The following REV3L variants were observed in gnomAD, a reference collection of about 807,000 sequenced individuals.
REV3L encodes the protein REV3 like, DNA directed polymerase zeta catalytic subunit.
A neutral mutation model predicts 299.4 loss-of-function variants in REV3L; 69 were observed. The observed-to-expected ratio is 0.23, with a 90% CI of 0.19 to 0.28. The LOEUF (loss-of-function observed/expected upper bound fraction) is 0.28, where lower values mean the gene tolerates loss of function less well. Ranked by LOEUF, REV3L falls within the 10% of genes least tolerant of loss-of-function variation. The probability of loss-of-function intolerance (pLI) is 1.00; values close to 1 mark genes in which losing one functional copy is unlikely to be tolerated. For missense variants in REV3L, 3,128 were observed against 3,693.8 expected (o/e 0.85, Z 3.97); for synonymous variants, 1,238 against 1,271.4 (o/e 0.97, Z 0.56).
rs1179267218 is a variant in REV3L at position 111,322,615 on chromosome 6, C to A, written c.8305G>T (p.Asp2769Tyr). The change falls in exon 26 of 32, where the codon GAT becomes TAT. Residue 2769 changes from aspartate (D) to tyrosine (Y), a missense_variant. This residue lies in a region of REV3L where 37 missense variants were observed against 100.1 expected (regional missense o/e 0.37). Transcript: ENST00000368802. ...ACCCTAGCCCCCCATTTCTTGGTAT[C>A]ATTCACCAGTTTAATAGCTCGTTCC... ...TLERAIKLVN[D>Y]TKKWGARVVY... 2 of 1,614,030 alleles carry A rather than the reference C, an allele frequency of 1.2e-6. No homozygotes were observed. The highest frequency in any genetic ancestry group is 1.7e-5 in the Admixed American group (1 of 59,994).
intron 18 of REV3L, among the ~76,000 whole-genome samples, chr6:111,355,543 T>C (rs1778000502): frequency 6.6e-6 from 1 of 152,210 alleles, no homozygotes; most frequent in Non-Finnish European, 1.5e-5. Context: ...TATGACAGTT[T>C]TGTTTACCCC....
chr6:111,363,644 A>C (rs1287028092), intron 16 of REV3L, among the ~76,000 whole-genome samples: 8 of 152,202 alleles, frequency 5.3e-5, no homozygotes, highest in Non-Finnish European at 1.2e-4. Flanking sequence ...GAAATCACAA[A>C]GCAGTCTCAG....
At position 111,309,542 on chromosome 6, in the gene REV3L, T is replaced by C. The variant is rs181770582; in HGVS notation, c.9042+311A>G. Reference sequence around the variant, plus strand: ...TCCAGCCGCTCGTGTGTCTGCCCACTAGGGTCTCGGGTTTTTATAGGCCCA... The same window carrying C: ...TCCAGCCGCTCGTGTGTCTGCCCACCAGGGTCTCGGGTTTTTATAGGCCCA... On this transcript the variant is annotated intron_variant, in intron 30 of 31. Transcript: ENST00000368802. 8 of 199,616 alleles carry C rather than the reference T, an allele frequency of 4.0e-5. No homozygotes were observed. The East Asian group carries it at 9.2e-4, about 23-fold the overall frequency. The allele number at this position is 199,616 out of a possible 1,614,324, so 12.4% of individuals were successfully genotyped here. A position where few individuals can be genotyped will look rare whatever the true frequency, so the allele number is the denominator to read the frequency against.
chr6:111,437,539 TTATATTA>T (rs1271080825), intron 1 of REV3L, among the ~76,000 whole-genome samples: 13 of 151,304 alleles, frequency 8.6e-5, no homozygotes, highest in Non-Finnish European at 1.9e-4. Context: ...TATTTTAATT[TTATATTA>T]TATAGAGAAA....
intron 4 of REV3L, among the ~76,000 whole-genome samples, chr6:111,393,651 G>C (rs1021754274): frequency 1.3e-4 from 20 of 151,872 alleles, no homozygotes; most frequent in African/African-American, 4.8e-4. Context: ...TATCTTCCTG[G>C]AACCCTTCCC....
chr6:111,332,185 C>G (rs1051970878), intron 23 of REV3L, among the ~76,000 whole-genome samples: 2 of 152,136 alleles, frequency 1.3e-5, no homozygotes, highest in Non-Finnish European at 2.9e-5. Context: ...CATTCTCCTG[C>G]CTCAGCCTCC....
At chr6:111,326,264 A>G (rs1212241622) in intron 25 of REV3L, among the ~76,000 whole-genome samples, 1 of 152,228 alleles carries the variant, frequency 6.6e-6, no homozygotes, top group Non-Finnish European at 1.5e-5. Flanking sequence ...CAGAATATGT[A>G]AGGAACTCAA....
chr6:111,368,050 C>A (rs1399651705), intron 13 of REV3L, 22 bp from the exon 14 acceptor site: 8 of 1,543,956 alleles, frequency 5.2e-6, no homozygotes, highest in East Asian at 2.3e-5. Flanking sequence ...TATTTTAGAA[C>A]AACTGTTTTG....
At chr6:111,412,780 A>C (rs1225652732) in intron 2 of REV3L, among the ~76,000 whole-genome samples, 1 of 151,334 alleles carries the variant, frequency 6.6e-6, no homozygotes. Flanking sequence ...AAAAAAAAAA[A>C]ACAACTATTT....
At chr6:111,335,824 T>C (rs1186918790) in intron 21 of REV3L, among the ~76,000 whole-genome samples, 3 of 152,178 alleles carry the variant, frequency 2.0e-5, no homozygotes, top group African/African-American at 7.2e-5. Flanking sequence ...ATACACAAAA[T>C]TTAAAATAGT....
At position 111,363,989 on chromosome 6, in the gene REV3L, AAAC is replaced by A. The variant is rs1212225363; in HGVS notation, c.6754-14_6754-12del. 3 of 1,601,740 alleles carry A rather than the reference AAAC, an allele frequency of 1.9e-6. No homozygotes were observed. The highest frequency in any genetic ancestry group is 1.1e-5 in the South Asian group (1 of 87,396). ...TGCTGCAAATTGATTCTATAAAAAA[AAAC>A]ACACACACACACAGCCAGAAAAAGA... is the stretch of plus-strand genomic sequence containing the variant. On this transcript the variant is annotated splice_polypyrimidine_tract_variant and intron_variant, in intron 15 of 31. Transcript: ENST00000368802.
In REV3L at chr6:111,365,294, G is replaced by A; in HGVS notation, c.6724C>T (p.Leu2242Phe). Reference protein sequence around the residue: ...SNKKGSNTDTLRRVLLTQAKN... With the variant: ...SNKKGSNTDTFRRVLLTQAKN... Reference sequence around the variant, plus strand: ...GCTTGTGTTAACAGTACTCTTCTAAGAGTGTCAGTATTACTTCCTTTCTTA... The same window carrying A: ...GCTTGTGTTAACAGTACTCTTCTAAAAGTGTCAGTATTACTTCCTTTCTTA... Residue 2242 changes from leucine (L) to phenylalanine (F), a missense_variant, in exon 15 of 32, where the codon CTT becomes TTT. Physicochemically the swap from Leu to Phe is conservative, Grantham distance 22. Around this residue, in one of 9 missense-constraint regions of REV3L, gnomAD observed 2,409 missense variants for 2,611.8 expected, o/e 0.92. Coordinates refer to ENST00000368802, the MANE Select transcript of REV3L (RefSeq NM_001372078.1). The A allele has an allele frequency of 6.4e-7, 1 of 1,569,498 alleles. No homozygotes were observed. The highest frequency in any genetic ancestry group is 8.6e-7 in the Non-Finnish European group (1 of 1,158,286).
In REV3L at chr6:111,375,859, C is replaced by T; in HGVS notation, c.2496G>A (p.Leu832=). Residue 832 remains leucine (L), a synonymous_variant, in exon 13 of 32, where the codon TTG becomes TTA. Coordinates refer to ENST00000368802, the MANE Select transcript of REV3L (RefSeq NM_001372078.1). ...GATGACCTGCAAGTTTCCTTTTATTCAATTTTAACCGGGATGGTTTATTGC... is the reference window on the plus strand; with the variant it reads ...GATGACCTGCAAGTTTCCTTTTATTTAATTTTAACCGGGATGGTTTATTGC... ...QPGNKPSRLK[L]NKRKLAGHQE... is the part of the protein sequence containing the mutation. 2 of 1,613,680 alleles carry T rather than the reference C, an allele frequency of 1.2e-6. No homozygotes were observed. Among genetic ancestry groups the T allele is most frequent in the Non-Finnish European group, 1.7e-6 (2 of 1,179,822 alleles).
Position 111,387,746 on chromosome 6 carries a change from C to T in REV3L, c.1096+19G>A. The T allele has an allele frequency of 6.2e-7, 1 of 1,609,628 alleles. No homozygotes were observed. Among genetic ancestry groups the T allele is most frequent in the Non-Finnish European group, 8.5e-7 (1 of 1,176,436 alleles). On this transcript the variant is annotated intron_variant, in intron 9 of 31. Coordinates refer to ENST00000368802, the MANE Select transcript of REV3L (RefSeq NM_001372078.1). ...TATCTGTTCTAGTAGTTTCTGTATA[C>T]ATGAAAAGAAAATCTTACCTTTGCT...
chr6:111,388,318 TA>T lies in REV3L; in HGVS notation c.863-234del, dbSNP rs371006680. Among the ~76,000 whole-genome samples, 51 of 152,268 alleles carry T rather than the reference TA, an allele frequency of 3.3e-4. No individual in the cohort carries two copies. In the East Asian group the frequency reaches 9.6e-3, roughly 29 times the overall value. ...AAGATTAAGTTCTATAATTATAATCTAAATCTAAAACAGAAAAATTGTTCTC... is the reference window on the plus strand; with the variant it reads ...AAGATTAAGTTCTATAATTATAATCTAATCTAAAACAGAAAAATTGTTCTC... On this transcript the variant is annotated intron_variant, in intron 7 of 31. Coordinates refer to ENST00000368802, the MANE Select transcript of REV3L (RefSeq NM_001372078.1).
intron 31 of REV3L, among the ~76,000 whole-genome samples, chr6:111,303,694 ACTATGACTTTTT>A (rs1771916400): frequency 6.8e-5 from 1 of 14,732 alleles, no homozygotes; most frequent in Non-Finnish European, 1.9e-4. Context: ...TTTTTAACAG[ACTATGACTTTTT>A]TTTTTTTTTT....
intron 19 of REV3L, among the ~76,000 whole-genome samples, chr6:111,349,932 TTG>T (rs1419387750): frequency 2.6e-5 from 4 of 152,174 alleles, no homozygotes; most frequent in Non-Finnish European, 5.9e-5. Flanking sequence ...GCAAATAGCG[TTG>T]TGAGTCTAGT....
intron 3 of REV3L, among the ~76,000 whole-genome samples, chr6:111,406,679 G>A (rs1783662093): frequency 6.6e-6 from 1 of 152,026 alleles, no homozygotes; most frequent in African/African-American, 2.4e-5. Context: ...GGTTAGTGGT[G>A]GTGCAATTAT....
intron 6 of REV3L, among the ~76,000 whole-genome samples, chr6:111,389,787 A>C (rs1047639265): frequency 1.7e-5 from 2 of 119,012 alleles, no homozygotes; most frequent in African/African-American, 6.7e-5. Flanking sequence ...ACCAGGCTGG[A>C]GTGCAGTGGT....
Sources: gnomAD v4.1 joint callset for allele counts (sites outside exome capture counted in the v4.1 genomes callset) on GRCh38, gnomAD v4.1.1 for gene constraint, gnomAD v4.1.1 regional missense constraint, MANE v1.5 for transcripts, NCBI Gene and HGNC (gene_info 2026-07-23, HGNC 2026-07-21) for gene names.